TMC1: variants seen among roughly 807,000 people sequenced by gnomAD.
TMC1 encodes the protein transmembrane channel-like protein 1.
A neutral mutation model predicts 105.8 loss-of-function variants in TMC1; 84 were observed. The observed-to-expected ratio is 0.79, with a 90% CI of 0.67 to 0.95. The LOEUF is 0.95. Among genes scored for constraint, TMC1 ranks in the 40% least tolerant of loss-of-function variants. The pLI is 0.00. For synonymous variants in TMC1, 315 were observed against 311.5 expected (o/e 1.01, Z -0.12); for missense variants, 817 against 914.1 (o/e 0.89, Z 1.37).
At chr9:72,743,804 A>G (rs552948275) in intron 10 of TMC1, among the ~76,000 whole-genome samples, 3 of 152,334 alleles carry the variant, frequency 2.0e-5, no homozygotes, top group African/African-American at 7.2e-5. Context: ...GCAAGTAAAC[A>G]TTTTAAAATA....
chr9:72,633,911 T>G (rs9314799), intron 4 of TMC1, among the ~76,000 whole-genome samples: 1 of 151,854 alleles, frequency 6.6e-6, no homozygotes, highest in African/African-American at 2.4e-5. Flanking sequence ...CTATAATGGC[T>G]CAAGTGGGTT....
intron 5 of TMC1, among the ~76,000 whole-genome samples, chr9:72,672,539 T>G (rs1826139281): frequency 6.6e-6 from 1 of 151,962 alleles, no homozygotes; most frequent in Admixed American, 6.6e-5. Flanking sequence ...TATTGCCACT[T>G]GCAGTATAAA....
rs558566315 is a variant in TMC1, at chr9:72,528,357, G to A, written c.-428+6444G>A. 3.8e-3 allele frequency among the ~76,000 whole-genome samples: 566 copies of A among 147,874 alleles called. 1 individual carries two copies. The highest frequency in any genetic ancestry group is 6.2e-3 in the Non-Finnish European group (417 of 67,248). The stretch of plus-strand genomic sequence containing the variant: ...ATGATTTTTTTTTTTTTTTTGAGAC[G>A]GAGTTTCGCTCTTGTTGCCCAGGCT... On this transcript the variant is annotated intron_variant, in intron 1 of 23. Transcript: ENST00000297784.
intron 6 of TMC1, among the ~76,000 whole-genome samples, chr9:72,693,003 T>C (rs1826491628): frequency 6.6e-6 from 1 of 151,704 alleles, no homozygotes; most frequent in South Asian, 2.1e-4. Context: ...ACCTGTATTC[T>C]CAACTACTCA....
chr9:72,584,765 C>T (rs922280555), intron 2 of TMC1, among the ~76,000 whole-genome samples: 8 of 139,948 alleles, frequency 5.7e-5, no homozygotes, highest in African/African-American at 2.2e-4. Context: ...AAATGTAGTT[C>T]TCCTTTTTCT....
chr9:72,532,886 A>T (rs114361747), intron 1 of TMC1, among the ~76,000 whole-genome samples: 190 of 152,322 alleles, frequency 1.2e-3, no homozygotes, highest in African/African-American at 4.2e-3. Flanking sequence ...GGCAAAGCAA[A>T]CTATTTTTAA....
At chr9:72,543,538 T>A (rs1823712512) in intron 1 of TMC1, among the ~76,000 whole-genome samples, 1 of 152,168 alleles carries the variant, frequency 6.6e-6, no homozygotes, top group Admixed American at 6.5e-5. Context: ...ATCCCAGCAC[T>A]TTGGGAGGCC....
At chr9:72,594,142 A>T (rs935834841) in intron 2 of TMC1, among the ~76,000 whole-genome samples, 1 of 152,336 alleles carries the variant, frequency 6.6e-6, no homozygotes, top group African/African-American at 2.4e-5. Context: ...GGAGAAAAAT[A>T]TATGAGTTTT....
At chr9:72,771,555 A>G (rs188080818) in intron 12 of TMC1, among the ~76,000 whole-genome samples, 183 of 152,332 alleles carry the variant, frequency 1.2e-3, no homozygotes, top group Non-Finnish European at 2.1e-3. Flanking sequence ...AGGAAGCCCC[A>G]TATTGACAAG....
At chr9:72,656,903 C>T (rs913701424) in intron 5 of TMC1, among the ~76,000 whole-genome samples, 4 of 152,152 alleles carry the variant, frequency 2.6e-5, no homozygotes, top group African/African-American at 9.7e-5. Context: ...GGAAATAGCC[C>T]TCTGAAGGGT....
intron 1 of TMC1, among the ~76,000 whole-genome samples, chr9:72,544,170 C>A (rs1033327184): frequency 6.6e-6 from 1 of 151,880 alleles, no homozygotes; most frequent in Non-Finnish European, 1.5e-5. Context: ...AGGCTGGTCT[C>A]GAACAGCTGA....
chr9:72,702,917 G>A (rs1368581419), intron 8 of TMC1, among the ~76,000 whole-genome samples: 2 of 152,046 alleles, frequency 1.3e-5, no homozygotes, highest in Non-Finnish European at 2.9e-5. Context: ...GACAATACGA[G>A]CCCTTAGTAC....
At position 72,789,241 on chromosome 9, in the gene TMC1, TC is replaced by T; in HGVS notation, c.1149del (p.Trp385GlyfsTer3). 6.2e-7 allele frequency: 1 copy of T among 1,614,046 alleles called. No homozygotes were observed. Among genetic ancestry groups the T allele is most frequent in the Non-Finnish European group, 8.5e-7 (1 of 1,179,944 alleles). ...ACACTTGGAGGGAGTGGATACCTCA[TC>T]TTTTGGGCTGTGAAGCGATCCCAGG... ...FLTLGGSGYL[I>X]FWAVKRSQEF... On this transcript the variant is annotated frameshift_variant, in exon 15 of 24. Coordinates refer to ENST00000297784, the MANE Select transcript of TMC1 (RefSeq NM_138691.3). LOFTEE classifies it high-confidence loss of function.
intron 13 of TMC1, among the ~76,000 whole-genome samples, chr9:72,785,645 C>T (rs1828157671): frequency 6.6e-6 from 1 of 152,110 alleles, no homozygotes; most frequent in South Asian, 2.1e-4. Flanking sequence ...GGACTATTAA[C>T]AACATGGGTA....
At chr9:72,671,306 G>A (rs1197759003) in intron 5 of TMC1, among the ~76,000 whole-genome samples, 1 of 152,134 alleles carries the variant, frequency 6.6e-6, no homozygotes, top group Non-Finnish European at 1.5e-5. Flanking sequence ...GTATAGGGAG[G>A]GCACCTCTCA....
intron 8 of TMC1, among the ~76,000 whole-genome samples, chr9:72,715,600 T>C (rs113487201): frequency 5.3e-5 from 8 of 152,266 alleles, no homozygotes; most frequent in Middle Eastern, 3.4e-3. Context: ...GTGCTGTGTT[T>C]TTCAGCTCCA....
intron 2 of TMC1, among the ~76,000 whole-genome samples, chr9:72,600,266 C>G (rs1824785601): frequency 6.6e-6 from 1 of 152,206 alleles, no homozygotes; most frequent in African/African-American, 2.4e-5. Context: ...AGCTTACTGA[C>G]TATACTCAAG....
chr9:72,707,626 ATTTG>A (rs1355932335), intron 8 of TMC1, among the ~76,000 whole-genome samples: 11 of 151,628 alleles, frequency 7.3e-5, no homozygotes, highest in African/African-American at 2.7e-4. Flanking sequence ...TTTCTTGCTA[ATTTG>A]TTTGAGTTCT....
intron 17 of TMC1, among the ~76,000 whole-genome samples, chr9:72,798,850 T>A (rs1473367473): frequency 1.3e-5 from 2 of 152,018 alleles, no homozygotes; most frequent in East Asian, 1.9e-4. Flanking sequence ...AGTTTTTTTT[T>A]AATGGATAAT....
Sources: gnomAD v4.1 joint callset for allele counts (sites outside exome capture counted in the v4.1 genomes callset) on GRCh38, gnomAD v4.1.1 for gene constraint, MANE v1.5 for transcripts, NCBI Gene and HGNC (gene_info 2026-07-23, HGNC 2026-07-21) for gene names.